ACSS1: variants seen among roughly 807,000 people sequenced by gnomAD.
ACSS1 encodes acetyl-coenzyme A synthetase 2-like, mitochondrial.
In ACSS1, 42 loss-of-function variants were observed where a neutral mutation model predicts 75.3. The observed-to-expected ratio is 0.56, with a 90% CI of 0.44 to 0.72. The LOEUF is 0.72. Ranked by LOEUF, ACSS1 falls within the 30% of genes least tolerant of loss-of-function variation. The pLI, the probability that ACSS1 is intolerant of heterozygous loss-of-function variation, is 0.00. For missense variants in ACSS1, 782 were observed against 935.7 expected (o/e 0.84, Z 2.14); for synonymous variants, 380 against 376.8 (o/e 1.01, Z -0.10).
intron 2 of ACSS1, among the ~76,000 whole-genome samples, chr20:25,031,901 GA>G (rs1186694662): frequency 6.6e-5 from 10 of 152,182 alleles, no homozygotes; most frequent in Admixed American, 6.5e-4. Flanking sequence ...CAACACAGTC[GA>G]GGGGCACCAA....
chr20:25,052,687 C>A (rs1444802105), intron 1 of ACSS1, among the ~76,000 whole-genome samples: 4 of 152,250 alleles, frequency 2.6e-5, no homozygotes, highest in Non-Finnish European at 4.4e-5. Context: ...GCCTTTATTT[C>A]CAAATCTGTG....
chr20:25,032,185 G>T (rs1231663664), intron 2 of ACSS1, among the ~76,000 whole-genome samples: 1 of 152,210 alleles, frequency 6.6e-6, no homozygotes, highest in East Asian at 1.9e-4. Context: ...TCTATGGTGT[G>T]CGCATGCCCT....
chr20:25,050,828 A>G (rs1254568360), intron 1 of ACSS1, among the ~76,000 whole-genome samples: 1 of 152,000 alleles, frequency 6.6e-6, no homozygotes, highest in East Asian at 1.9e-4. Flanking sequence ...AGGAAGGCAG[A>G]GGTGAGGAAG....
In ACSS1 at chr20:25,006,997, A is replaced by G. The variant is rs1203764742; in HGVS notation, c.*765T>C. 3 of 1,533,236 alleles carry G rather than the reference A, an allele frequency of 2.0e-6. No homozygotes were observed. Among genetic ancestry groups the G allele is most frequent in the Non-Finnish European group, 2.6e-6 (3 of 1,145,462 alleles). 95.0% of individuals were successfully genotyped at this position (1,533,236 alleles called of 1,614,324 possible). A position where few individuals can be genotyped will look rare whatever the true frequency, so the allele number is the denominator to read the frequency against. ...GGATCACAGCTTGAAGAAACAGAAC[A>G]TAACTGGAGTAGCTTCAGAACTAAG... On this transcript the variant is annotated 3_prime_UTR_variant, in exon 14 of 14. Coordinates refer to ENST00000323482, the MANE Select transcript of ACSS1 (RefSeq NM_032501.4).
intron 13 of ACSS1, among the ~76,000 whole-genome samples, chr20:25,008,244 G>A (rs956990481): frequency 1.3e-5 from 2 of 152,236 alleles, no homozygotes; most frequent in East Asian, 3.8e-4. Context: ...AGGCACCCAG[G>A]TGGCAGCAGA....
Position 25,048,071 on chromosome 20 carries a change from C to T in ACSS1, c.431+14G>A, listed in dbSNP as rs200523724. 5.0e-6 allele frequency: 8 copies of T among 1,612,718 alleles called. No individual in the cohort carries two copies. The highest frequency in any genetic ancestry group is 4.4e-5 in the South Asian group (4 of 90,872). ...GCGCCTCCCTCGCACCTTGAACATT[C>T]GAGGGCACAGTACCTGTAGGTGATC... On this transcript the variant is annotated intron_variant, in intron 2 of 13. Coordinates refer to ENST00000323482, the MANE Select transcript of ACSS1 (RefSeq NM_032501.4).
chr20:25,057,777 T>G lies in ACSS1; in HGVS notation c.326A>C (p.Asn109Thr). Residue 109 changes from asparagine (N) to threonine (T), a missense_variant, in exon 1 of 14, where the codon AAT becomes ACT. By Grantham distance (65) the Asn-to-Thr change is moderately conservative (BLOSUM62 0). Around this residue, in one of 2 missense-constraint regions of ACSS1, gnomAD observed 377 missense variants for 383.1 expected, o/e 0.98. Transcript: ENST00000323482. ...TCCCGAAGCCCACTCACCAGAGACA[T>G]TTAACTGGCCTCCCAGGAACCAGCC... ...KIGWFLGGQL[N>T]VSVNCLDQHV... is the part of the protein sequence containing the mutation. 7.0e-6 allele frequency: 11 copies of G among 1,580,330 alleles called. No homozygotes were observed. The highest frequency in any genetic ancestry group is 9.5e-6 in the Non-Finnish European group (11 of 1,156,246).
intron 4 of ACSS1, 118 bp downstream of exon 4, chr20:25,023,348 A>T: frequency 1.6e-6 from 2 of 1,270,500 alleles, no homozygotes; most frequent in Non-Finnish European, 2.2e-6. Flanking sequence ...ACCAAATACC[A>T]CAGAGGAACC....
At chr20:25,009,881 CTT>C (rs2088375051) in intron 12 of ACSS1, 1 of 156,546 alleles carries the variant, frequency 6.4e-6, no homozygotes, top group African/African-American at 2.4e-5. Context: ...ATGAGCCACA[CTT>C]CAAGTGCCAT....
intron 2 of ACSS1, 38 bp downstream of exon 2, chr20:25,048,047 C>G: frequency 6.3e-7 from 1 of 1,588,828 alleles, no homozygotes; most frequent in Non-Finnish European, 8.6e-7. Flanking sequence ...CTGGGCTGGG[C>G]GCCTCCCTCG....
At position 25,013,522 on chromosome 20, in the gene ACSS1, G is replaced by A; in HGVS notation, c.1579+14C>T. The A allele has an allele frequency of 7.0e-6, 11 of 1,581,200 alleles. No homozygotes were observed. Among genetic ancestry groups the A allele is most frequent in the Non-Finnish European group, 9.5e-6 (11 of 1,157,782 alleles). On this transcript the variant is annotated intron_variant, in intron 10 of 13. Transcript: ENST00000323482. ...GCTGAAAAGGAATGAGAGGGTCCCT[G>A]ACAGCCTGCTCACCTGGGTAGGCCT...
chr20:25,012,496 G>A (rs1197347484), intron 12 of ACSS1, 105 bp downstream of exon 12: 1 of 1,378,792 alleles, frequency 7.3e-7, no homozygotes, highest in East Asian at 2.3e-5. Flanking sequence ...TTGGCCCACA[G>A]TATCCCCTAT....
At chr20:25,013,255 G>C (rs2088447891) in intron 10 of ACSS1, among the ~76,000 whole-genome samples, 2 of 152,182 alleles carry the variant, frequency 1.3e-5, no homozygotes, top group South Asian at 4.1e-4. Flanking sequence ...GTAGCTAACA[G>C]GATCCTACCA....
Position 25,007,709 on chromosome 20 carries a change from A to G in ACSS1, c.*53T>C. 1 of 1,594,520 alleles carries G rather than the reference A, an allele frequency of 6.3e-7. No individual in the cohort carries two copies. Among genetic ancestry groups the G allele is most frequent in the South Asian group, 1.1e-5 (1 of 87,702 alleles). On this transcript the variant is annotated 3_prime_UTR_variant, in exon 14 of 14. Transcript: ENST00000323482. ...ACCTCAGGGGTACCTTCTGGGAAGG[A>G]CAAGCCAGGGCTTGGGTGCCCGCCC...
At position 25,014,059 on chromosome 20, in the gene ACSS1, A is replaced by C; in HGVS notation, c.1354T>G (p.Cys452Gly). 6.2e-7 allele frequency: 1 copy of C among 1,610,390 alleles called. No individual in the cohort carries two copies. The highest frequency in any genetic ancestry group is 8.5e-7 in the Non-Finnish European group (1 of 1,178,612). Residue 452 changes from cysteine (C) to glycine (G), a missense_variant, in exon 9 of 14, where the codon TGC (cysteine) becomes GGC (glycine). Physicochemically the swap from Cys to Gly is radical, Grantham distance 159. This residue lies in a region of ACSS1 where 405 missense variants were observed against 552.6 expected (regional missense o/e 0.73). Transcript: ENST00000323482. ...TCTTCCGAGGGCCGTGGTGCGATGC[A>C]GATGCCACCTGTTTCTGCAGGTATG... Reference protein sequence around the residue: ...TWWQTETGGICIAPRPSEEGA... With the variant: ...TWWQTETGGIGIAPRPSEEGA...
chr20:25,034,639 G>A (rs539999435), intron 2 of ACSS1, among the ~76,000 whole-genome samples: 15 of 151,556 alleles, frequency 9.9e-5, no homozygotes, highest in African/African-American at 3.4e-4. Context: ...CACGATCTCA[G>A]CTCACTGCAA....
intron 1 of ACSS1, among the ~76,000 whole-genome samples, chr20:25,052,938 C>T (rs563165828): frequency 2.0e-5 from 3 of 152,238 alleles, no homozygotes; most frequent in Admixed American, 6.5e-5. Flanking sequence ...CACACACGTA[C>T]GAATTTTCAA....
chr20:25,022,499 A>G (rs2088640724), intron 5 of ACSS1, among the ~76,000 whole-genome samples: 1 of 152,252 alleles, frequency 6.6e-6, no homozygotes, highest in Admixed American at 6.5e-5. Flanking sequence ...CACAAGACAC[A>G]TCAAGACATG....
chr20:25,025,876 G>A (rs1266808641), intron 3 of ACSS1, among the ~76,000 whole-genome samples: 1 of 152,082 alleles, frequency 6.6e-6, no homozygotes, highest in East Asian at 1.9e-4. Context: ...TTAAGGATGT[G>A]GGATTAGATG....
Sources: allele counts gnomAD v4.1 joint callset (sites outside exome capture counted in the v4.1 genomes callset), GRCh38; gene constraint gnomAD v4.1.1; regional missense constraint gnomAD v4.1.1; transcripts MANE v1.5; gene names NCBI Gene and HGNC (gene_info 2026-07-23, HGNC 2026-07-21).